The following ARB2A variants were observed in gnomAD, a reference collection of about 807,000 sequenced individuals.
ARB2A encodes cotranscriptional regulator ARB2A.
chr5:93,909,173 C>T, the ARB2A span, among the ~76,000 whole-genome samples: 7 of 150,832 alleles, frequency 4.6e-5, no homozygotes, highest in African/African-American at 1.5e-4. Context: ...TGACATATCA[C>T]AAGAAGTTAT....
At chr5:93,862,795 A>C in the ARB2A span, 3 of 152,224 alleles carry the variant, frequency 2.0e-5, no homozygotes, top group Non-Finnish European at 2.9e-5. Context: ...GAATCTTGAA[A>C]AATCTCTGAT....
chr5:93,747,120 AAAATATACTAAC>A, the ARB2A span, among the ~76,000 whole-genome samples: 1 of 152,160 alleles, frequency 6.6e-6, no homozygotes, highest in Non-Finnish European at 1.5e-5. Flanking sequence ...ACTGCACAAT[AAAATATACTAAC>A]AAAAATGACA....
At chr5:93,793,283 T>A in the ARB2A span, among the ~76,000 whole-genome samples, 3 of 99,208 alleles carry the variant, frequency 3.0e-5, no homozygotes, top group South Asian at 1.2e-3. Context: ...AAGGGCTTAC[T>A]ATGTTGCCCA....
chr5:94,086,664 T>C, the ARB2A span, among the ~76,000 whole-genome samples: 11 of 152,164 alleles, frequency 7.2e-5, no homozygotes, highest in African/African-American at 2.7e-4. Context: ...GCGATTCTCC[T>C]GCCTCAGACT....
chr5:94,041,782 G>C, the ARB2A span, among the ~76,000 whole-genome samples: 17 of 152,092 alleles, frequency 1.1e-4, no homozygotes, highest in African/African-American at 3.4e-4. Context: ...TGGAGCATTA[G>C]ATCCTAGATA....
the ARB2A span, among the ~76,000 whole-genome samples, chr5:93,923,977 A>C: frequency 3.3e-5 from 5 of 152,148 alleles, no homozygotes; most frequent in African/African-American, 1.2e-4. Context: ...CAGAGAAAGA[A>C]GAGTGGAAAG....
the ARB2A span, among the ~76,000 whole-genome samples, chr5:93,817,219 TAAAC>T: frequency 4.6e-5 from 7 of 151,912 alleles, no homozygotes; most frequent in African/African-American, 9.7e-5. Context: ...GAAAATAAAA[TAAAC>T]AATTTCAGTT....
At chr5:93,974,540 C>A in the ARB2A span, among the ~76,000 whole-genome samples, 3 of 152,050 alleles carry the variant, frequency 2.0e-5, no homozygotes, top group Non-Finnish European at 2.9e-5. Context: ...AACAGATCAT[C>A]AAGGCAGAAA....
At chr5:93,748,440 C>G in the ARB2A span, among the ~76,000 whole-genome samples, 10 of 151,966 alleles carry the variant, frequency 6.6e-5, no homozygotes, top group Non-Finnish European at 1.3e-4. Flanking sequence ...TAAGATATGA[C>G]TAGAATTAGA....
At chr5:93,804,433 T>G in the ARB2A span, among the ~76,000 whole-genome samples, 4 of 152,032 alleles carry the variant, frequency 2.6e-5, no homozygotes, top group East Asian at 7.7e-4. Context: ...ATAATGCATT[T>G]TTAATAGACT....
the ARB2A span, among the ~76,000 whole-genome samples, chr5:93,714,825 G>A: frequency 3.3e-5 from 5 of 152,170 alleles, no homozygotes; most frequent in Non-Finnish European, 7.4e-5. Context: ...TGACTTTGAA[G>A]ATCTAGTCTT....
the ARB2A span, among the ~76,000 whole-genome samples, chr5:93,970,299 G>T: frequency 6.6e-6 from 1 of 151,960 alleles, no homozygotes; most frequent in African/African-American, 2.4e-5. Context: ...AAACGTAAAG[G>T]TGGATAAATT....
chr5:93,869,374 A>G, the ARB2A span, among the ~76,000 whole-genome samples: 1 of 152,188 alleles, frequency 6.6e-6, no homozygotes. Flanking sequence ...ATATTATCTT[A>G]GACAAAAAAT....
the ARB2A span, among the ~76,000 whole-genome samples, chr5:93,995,970 A>G: frequency 6.6e-6 from 1 of 152,106 alleles, no homozygotes; most frequent in East Asian, 1.9e-4. Flanking sequence ...GCCCTTCTTC[A>G]TTTTCTTCCA....
At chr5:93,958,257 T>G in the ARB2A span, among the ~76,000 whole-genome samples, 4 of 152,040 alleles carry the variant, frequency 2.6e-5, no homozygotes, top group Non-Finnish European at 4.4e-5. Flanking sequence ...ATTTTATTTG[T>G]GGGCTCTAAA....
the ARB2A span, among the ~76,000 whole-genome samples, chr5:94,024,148 A>G: frequency 4.6e-5 from 7 of 152,268 alleles, no homozygotes; most frequent in South Asian, 6.2e-4. Context: ...TTGTACAGAT[A>G]TTTGGTCAAA....
At chr5:94,040,935 G>C in the ARB2A span, among the ~76,000 whole-genome samples, 3 of 152,144 alleles carry the variant, frequency 2.0e-5, no homozygotes, top group Admixed American at 2.0e-4. Context: ...AAAGGAAAAA[G>C]ATAACTTTCC....
At chr5:93,872,424 T>C in the ARB2A span, among the ~76,000 whole-genome samples, 2 of 152,198 alleles carry the variant, frequency 1.3e-5, no homozygotes, top group Non-Finnish European at 1.5e-5. Flanking sequence ...GAAGTGCTTA[T>C]TCTTTTTACC....
chr5:93,900,708 AT>A, the ARB2A span, among the ~76,000 whole-genome samples: 1 of 151,952 alleles, frequency 6.6e-6, no homozygotes, highest in East Asian at 1.9e-4. Flanking sequence ...AACTTTAAGC[AT>A]TTTTTTCAGT....
Sources: allele counts gnomAD v4.1 joint callset (sites outside exome capture counted in the v4.1 genomes callset), GRCh38; gene constraint gnomAD v4.1.1; transcripts MANE v1.5; gene names NCBI Gene and HGNC (gene_info 2026-07-23, HGNC 2026-07-21).